TAFA1: variants seen among roughly 807,000 people sequenced by gnomAD.
TAFA1 encodes the protein TAFA chemokine like family member 1, also known as chemokine-like protein TAFA-1.
A neutral mutation model predicts 18.5 loss-of-function variants in TAFA1; 4 were observed. The ratio of observed to expected loss-of-function variants is 0.22; its 90% CI spans 0.11 to 0.49. The LOEUF (loss-of-function observed/expected upper bound fraction) is 0.49. TAFA1 is among the 20% of genes least tolerant of loss of function. The probability of loss-of-function intolerance (pLI) is 0.98; values close to 1 mark genes in which losing one functional copy is unlikely to be tolerated. For missense variants in TAFA1, 147 were observed against 169.0 expected, an observed-to-expected ratio of 0.87 and a Z score of 0.72; for synonymous variants, 56 against 55.2, an observed-to-expected ratio of 1.01 and a Z score of -0.06.
intron 3 of TAFA1, among the ~76,000 whole-genome samples, chr3:68,449,311 G>A (rs2071529240): frequency 6.6e-6 from 1 of 152,132 alleles, no homozygotes; most frequent in African/African-American, 2.4e-5. Flanking sequence ...TGCAGGAAAT[G>A]AGACTCATTT....
chr3:68,261,518 A>T (rs1048260220), intron 2 of TAFA1, among the ~76,000 whole-genome samples: 3 of 152,230 alleles, frequency 2.0e-5, no homozygotes, highest in Admixed American at 2.0e-4. Context: ...ACCAACCCAA[A>T]TGTCCAACAA....
At chr3:68,399,887 C>T (rs770793257) in intron 2 of TAFA1, among the ~76,000 whole-genome samples, 5 of 152,132 alleles carry the variant, frequency 3.3e-5, no homozygotes, top group Non-Finnish European at 7.4e-5. Context: ...TCAAAGGTGT[C>T]ACAAGGGCTG....
chr3:68,079,097 A>G (rs1013868305), intron 2 of TAFA1, among the ~76,000 whole-genome samples: 26 of 152,260 alleles, frequency 1.7e-4, no homozygotes, highest in East Asian at 5.8e-4. Flanking sequence ...GTTTATCTGC[A>G]TAGAGGTGTT....
At chr3:68,221,335 G>A (rs2066727391) in intron 2 of TAFA1, among the ~76,000 whole-genome samples, 1 of 152,074 alleles carries the variant, frequency 6.6e-6, no homozygotes, top group African/African-American at 2.4e-5. Flanking sequence ...AAAAGGGGGG[G>A]ATGGGTTTGC....
intron 2 of TAFA1, among the ~76,000 whole-genome samples, chr3:68,231,867 GTAAC>G (rs1031352341): frequency 6.6e-6 from 1 of 152,044 alleles, no homozygotes; most frequent in Non-Finnish European, 1.5e-5. Flanking sequence ...CTTAGCCCAA[GTAAC>G]TACTAATATA....
intron 2 of TAFA1, among the ~76,000 whole-genome samples, chr3:68,093,556 G>A (rs576538117): frequency 3.9e-5 from 6 of 152,110 alleles, no homozygotes; most frequent in Admixed American, 3.9e-4. Flanking sequence ...CAGCACTGTG[G>A]TGGGATCTCG....
At chr3:68,007,876 G>C (rs1299328560) in intron 2 of TAFA1, among the ~76,000 whole-genome samples, 1 of 152,206 alleles carries the variant, frequency 6.6e-6, no homozygotes, top group African/African-American at 2.4e-5. Context: ...ATACCTTCCG[G>C]GGCCCCGCTT....
intron 2 of TAFA1, among the ~76,000 whole-genome samples, chr3:68,406,876 G>T (rs961861159): frequency 1.1e-4 from 17 of 152,180 alleles, no homozygotes; most frequent in African/African-American, 4.1e-4. Flanking sequence ...CCTCATTGGT[G>T]CACCTTTGGG....
chr3:68,300,971 T>C (rs564126679), intron 2 of TAFA1, among the ~76,000 whole-genome samples: 1 of 152,182 alleles, frequency 6.6e-6, no homozygotes, highest in African/African-American at 2.4e-5. Flanking sequence ...GAGGTAGTTC[T>C]TAATAGCAAT....
chr3:68,457,163 C>T lies in TAFA1; in HGVS notation c.259+39743C>T, dbSNP rs550382603. ...GCAACTGTAGGGGGCTACAAAATTA[C>T]ATGGTAGTATACTATGTGCTACAGT... On this transcript the variant is annotated intron_variant, in intron 3 of 4. Transcript: ENST00000478136. Among the ~76,000 whole-genome samples, 48 of 152,324 alleles carry T rather than the reference C, an allele frequency of 3.2e-4. No individual in the cohort carries two copies. The South Asian group carries it at 9.5e-3, about 30-fold the overall frequency.
intron 2 of TAFA1, among the ~76,000 whole-genome samples, chr3:68,335,283 TA>T (rs1339211103): frequency 6.6e-6 from 1 of 152,162 alleles, no homozygotes; most frequent in Non-Finnish European, 1.5e-5. Flanking sequence ...GTCAGAGGCA[TA>T]AAAAATGATA....
chr3:68,062,729 G>T (rs376765833), intron 2 of TAFA1, among the ~76,000 whole-genome samples: 2 of 152,182 alleles, frequency 1.3e-5, no homozygotes, highest in Non-Finnish European at 2.9e-5. Context: ...CATAGAAGAG[G>T]TAATATTTGA....
At chr3:68,098,935 G>A (rs1214007800) in intron 2 of TAFA1, among the ~76,000 whole-genome samples, 1 of 151,980 alleles carries the variant, frequency 6.6e-6, no homozygotes, top group Non-Finnish European at 1.5e-5. Context: ...GATGGTGCTG[G>A]GGTAGCTGGC....
At chr3:68,398,401 A>C (rs939938246) in intron 2 of TAFA1, among the ~76,000 whole-genome samples, 3 of 152,174 alleles carry the variant, frequency 2.0e-5, no homozygotes, top group African/African-American at 7.2e-5. Context: ...CCTTCCTTAC[A>C]CCTTAACAAA....
chr3:68,524,853 A>T (rs1400837671), intron 3 of TAFA1, among the ~76,000 whole-genome samples: 1 of 151,906 alleles, frequency 6.6e-6, no homozygotes. Flanking sequence ...TTGTATTTTT[A>T]GTAGAGACAG....
At position 68,035,942 on chromosome 3, in the gene TAFA1, T is replaced by C. The variant is rs964298780; in HGVS notation, c.118+29198T>C. ...ACAAAAAACCACATGATTCCACTTATGTGCATTCTGGAAAAGGCAAAAAAG... is the reference window on the plus strand; with the variant it reads ...ACAAAAAACCACATGATTCCACTTACGTGCATTCTGGAAAAGGCAAAAAAG... On this transcript the variant is annotated intron_variant, in intron 2 of 4. Transcript: ENST00000478136. Among the ~76,000 whole-genome samples the C allele has an allele frequency of 3.9e-5, 6 of 152,276 alleles. No individual in the cohort carries two copies. In the East Asian group the frequency reaches 1.2e-3, roughly 29 times the overall value.
intron 2 of TAFA1, among the ~76,000 whole-genome samples, chr3:68,296,153 G>A (rs1302132441): frequency 2.6e-5 from 4 of 152,122 alleles, no homozygotes; most frequent in Non-Finnish European, 1.5e-5. Context: ...TTGCCTATGT[G>A]AGCTACAACT....
At position 68,477,273 on chromosome 3, in the gene TAFA1, T is replaced by G. The variant is rs187334236; in HGVS notation, c.259+59853T>G. On this transcript the variant is annotated intron_variant, in intron 3 of 4. Transcript: ENST00000478136. ...TTATTTCTTTTCCTTCTCATTACTATATAGAATTCCACAGAATGAGTGTAT... is the reference window on the plus strand; with the variant it reads ...TTATTTCTTTTCCTTCTCATTACTAGATAGAATTCCACAGAATGAGTGTAT... 7.9e-5 allele frequency among the ~76,000 whole-genome samples: 12 copies of G among 152,308 alleles called. No individual in the cohort carries two copies. The East Asian group carries it at 2.3e-3, about 29-fold the overall frequency.
chr3:68,360,938 CAT>C (rs1253314640), intron 2 of TAFA1, among the ~76,000 whole-genome samples: 1 of 151,938 alleles, frequency 6.6e-6, no homozygotes, highest in Non-Finnish European at 1.5e-5. Context: ...ATAAGAAACA[CAT>C]GTTATGATTT....
Sources: gnomAD v4.1 joint callset for allele counts (sites outside exome capture counted in the v4.1 genomes callset) on GRCh38, gnomAD v4.1.1 for gene constraint, MANE v1.5 for transcripts, NCBI Gene and HGNC (gene_info 2026-07-23, HGNC 2026-07-21) for gene names.